Variants in NELL1 observed in about 807,000 individuals in gnomAD.
NELL1 encodes the protein neural EGFL like 1.
In NELL1, 76 loss-of-function variants were observed where a neutral mutation model predicts 107.4. That is an observed-to-expected ratio of 0.71 (90% CI 0.59 to 0.86). The LOEUF (loss-of-function observed/expected upper bound fraction) is 0.86, where lower values mean the gene tolerates loss of function less well. Among genes scored for constraint, NELL1 ranks in the 40% least tolerant of loss-of-function variants. The pLI is 0.00. For synonymous variants in NELL1, 353 were observed against 341.2 expected, an observed-to-expected ratio of 1.03 and a Z score of -0.38; for missense variants, 1,024 against 1,005.5, an observed-to-expected ratio of 1.02 and a Z score of -0.25.
intron 15 of NELL1, among the ~76,000 whole-genome samples, chr11:21,446,732 C>T (rs747785520): frequency 6.6e-6 from 1 of 152,144 alleles, no homozygotes; most frequent in Non-Finnish European, 1.5e-5. Context: ...GAAGCCAGCA[C>T]AGCACTGGGT....
At chr11:21,540,512 T>C (rs1199804360) in intron 16 of NELL1, among the ~76,000 whole-genome samples, 3 of 152,084 alleles carry the variant, frequency 2.0e-5, no homozygotes. Context: ...CTGGGTAATT[T>C]ATAAAGAAAA....
At chr11:21,330,483 G>GT (rs1850247593) in intron 14 of NELL1, among the ~76,000 whole-genome samples, 1 of 137,996 alleles carries the variant, frequency 7.2e-6, no homozygotes, top group South Asian at 2.3e-4. Context: ...TTGAAAGATA[G>GT]TTTTTCTGGG....
At chr11:21,431,737 G>A (rs2133834417) in intron 15 of NELL1, among the ~76,000 whole-genome samples, 1 of 152,242 alleles carries the variant, frequency 6.6e-6, no homozygotes. Context: ...GGCCACGACT[G>A]TTTTGCTCTT....
At chr11:20,684,845 G>A (rs1715258) in intron 2 of NELL1, among the ~76,000 whole-genome samples, 65 of 152,138 alleles carry the variant, frequency 4.3e-4, no homozygotes, top group African/African-American at 1.2e-3. Context: ...ATCCTTCAGC[G>A]TACTCTACCC....
chr11:20,851,627 C>T (rs186441506), intron 4 of NELL1, among the ~76,000 whole-genome samples: 2 of 152,310 alleles, frequency 1.3e-5, no homozygotes, highest in East Asian at 3.9e-4. Flanking sequence ...GCATAAGCAA[C>T]CTTTCCCTTT....
chr11:21,564,935 T>C (rs1856935845), intron 17 of NELL1, among the ~76,000 whole-genome samples: 1 of 151,890 alleles, frequency 6.6e-6, no homozygotes, highest in Non-Finnish European at 1.5e-5. Flanking sequence ...CATGTATCTC[T>C]TTCTGGCAAG....
chr11:21,174,232 A>G (rs998616742), intron 13 of NELL1, among the ~76,000 whole-genome samples: 5 of 151,862 alleles, frequency 3.3e-5, no homozygotes, highest in African/African-American at 1.2e-4. Context: ...TATACAAGTA[A>G]CTGATTCTGT....
intron 2 of NELL1, among the ~76,000 whole-genome samples, chr11:20,689,235 C>T (rs996186058): frequency 6.6e-6 from 1 of 151,888 alleles, no homozygotes; most frequent in Non-Finnish European, 1.5e-5. Flanking sequence ...TGCCTGTTTA[C>T]TCTGTTGATA....
intron 3 of NELL1, among the ~76,000 whole-genome samples, chr11:20,787,021 A>AAAAG (rs1192682652): frequency 2.7e-5 from 4 of 146,108 alleles, no homozygotes; most frequent in African/African-American, 7.7e-5. Flanking sequence ...AAAAAAAAAA[A>AAAAG]AAAAAAAAAA....
chr11:21,255,854 C>T (rs1858755419), intron 14 of NELL1, among the ~76,000 whole-genome samples: 1 of 151,968 alleles, frequency 6.6e-6, no homozygotes, highest in South Asian at 2.1e-4. Context: ...TGTCTATTTT[C>T]ATACTTTTGT....
chr11:21,278,230 A>G (rs763685364), intron 14 of NELL1, among the ~76,000 whole-genome samples: 3 of 152,318 alleles, frequency 2.0e-5, no homozygotes, highest in Admixed American at 1.3e-4. Flanking sequence ...ATTAGGAAGA[A>G]GGCAAGTATA....
At chr11:21,246,194 T>G (rs916694279) in intron 14 of NELL1, among the ~76,000 whole-genome samples, 7 of 152,114 alleles carry the variant, frequency 4.6e-5, no homozygotes, top group Non-Finnish European at 1.0e-4. Context: ...ATCATACCAG[T>G]TTTCTATGAA....
rs1440441980 is a variant in NELL1 at position 20,885,582 on chromosome 11, G to A, written c.603+42G>A. On this transcript the variant is annotated intron_variant, in intron 5 of 19. Transcript: ENST00000357134. ...TTTTTATTGAAGTATATATATAGGC[G>A]ATGCTCAGTTTTCTGTGTTATTTAT... 1.5e-5 allele frequency: 18 copies of A among 1,194,950 alleles called. No individual in the cohort carries two copies. The Admixed American group carries it at 1.5e-4, about 10-fold the overall frequency. The allele number at this position is 1,194,950 out of a possible 1,614,324, so 74.0% of individuals were successfully genotyped here.
intron 15 of NELL1, among the ~76,000 whole-genome samples, chr11:21,476,930 C>T (rs1005967867): frequency 3.3e-5 from 5 of 152,124 alleles, no homozygotes; most frequent in African/African-American, 1.2e-4. Context: ...AGAGGGGAAA[C>T]GTCCATCCCA....
intron 2 of NELL1, among the ~76,000 whole-genome samples, chr11:20,702,722 G>A (rs550923254): frequency 2.2e-4 from 33 of 152,262 alleles, no homozygotes; most frequent in East Asian, 9.6e-4. Context: ...AGCATGAAGC[G>A]CTGTTGAATT....
chr11:21,565,603 T>G (rs1856952565), intron 17 of NELL1, among the ~76,000 whole-genome samples: 1 of 151,902 alleles, frequency 6.6e-6, no homozygotes, highest in African/African-American at 2.4e-5. Flanking sequence ...GCCCCAAGAA[T>G]ACTTCTGATA....
Position 20,702,659 on chromosome 11 carries a change from C to A in NELL1, c.184+24599C>A, listed in dbSNP as rs1854825806. Among the ~76,000 whole-genome samples the A allele has an allele frequency of 2.0e-5, 3 of 152,060 alleles. No homozygotes were observed. In the South Asian group the frequency reaches 6.2e-4, roughly 32 times the overall value. ...TTGGTTGTGGGTTTGTCATAAAAAG[C>A]TCTTATTATTTTGAGATACGTCCCA... On this transcript the variant is annotated intron_variant, in intron 2 of 19. Transcript: ENST00000357134.
At chr11:21,490,582 G>A (rs1854778716) in intron 15 of NELL1, among the ~76,000 whole-genome samples, 2 of 151,894 alleles carry the variant, frequency 1.3e-5, no homozygotes, top group Non-Finnish European at 2.9e-5. Flanking sequence ...AAACAGCATG[G>A]TTTTGTTGTA....
At chr11:20,869,820 A>G (rs1344086072) in intron 4 of NELL1, among the ~76,000 whole-genome samples, 13 of 152,108 alleles carry the variant, frequency 8.5e-5, no homozygotes. Flanking sequence ...GCTTCATCTG[A>G]GTTTAGAATT....
Sources: allele counts gnomAD v4.1 joint callset (sites outside exome capture counted in the v4.1 genomes callset), GRCh38; gene constraint gnomAD v4.1.1; transcripts MANE v1.5; gene names NCBI Gene and HGNC (gene_info 2026-07-23, HGNC 2026-07-21).